The following ASPH variants were observed in gnomAD, a reference collection of about 807,000 sequenced individuals.
ASPH encodes the protein aspartyl/asparaginyl beta-hydroxylase.
A neutral mutation model predicts 118.4 loss-of-function variants in ASPH; 100 were observed. The ratio of observed to expected loss-of-function variants is 0.84; its 90% CI spans 0.72 to 1.00. The LOEUF (loss-of-function observed/expected upper bound fraction) is 1.00, where lower values mean the gene tolerates loss of function less well. Ranked by LOEUF, ASPH falls within the 50% of genes least tolerant of loss-of-function variation. The pLI is 0.00. For synonymous variants in ASPH, 315 were observed against 325.6 expected, an observed-to-expected ratio of 0.97 and a Z score of 0.35; for missense variants, 920 against 919.5, an observed-to-expected ratio of 1.00 and a Z score of -0.01.
intron 22 of ASPH, among the ~76,000 whole-genome samples, 187 bp from the exon 23 acceptor site, chr8:61,518,310 G>A (rs1393492988): frequency 6.6e-6 from 1 of 152,174 alleles, no homozygotes; most frequent in East Asian, 1.9e-4. Flanking sequence ...TAAAGAAGAC[G>A]TGTCTTGCTC....
intron 3 of ASPH, among the ~76,000 whole-genome samples, chr8:61,679,963 A>AAC (rs1563554610): frequency 4.0e-5 from 6 of 148,360 alleles, no homozygotes; most frequent in Non-Finnish European, 6.0e-5. Context: ...AAAAAACAAA[A>AAC]AACACCAACA....
chr8:61,609,368 C>T (rs13256118), intron 14 of ASPH, among the ~76,000 whole-genome samples: 127,628 of 150,334 alleles, frequency 0.85, 53,733 homozygotes, highest in African/African-American at 0.89. Context: ...TGCTGCCTCC[C>T]GCGTGGTCTC....
intron 10 of ASPH, among the ~76,000 whole-genome samples, chr8:61,639,824 G>A (rs761379345): frequency 5.9e-5 from 9 of 152,154 alleles, no homozygotes; most frequent in Admixed American, 2.0e-4. Flanking sequence ...CCCCTGCCCC[G>A]TGCTTGACTC....
Position 61,595,556 on chromosome 8 carries a change from T to C in ASPH, c.977-11527A>G, listed in dbSNP as rs1480674507. Among the ~76,000 whole-genome samples, 5 of 152,364 alleles carry C rather than the reference T, an allele frequency of 3.3e-5. No homozygotes were observed. The East Asian group carries it at 9.6e-4, about 29-fold the overall frequency. ...TTGAGAGTAAACTTGGTAAAATTTC[T>C]AAATATTTCCATATTATCTATGAAA... On this transcript the variant is annotated intron_variant, in intron 14 of 24. Coordinates refer to ENST00000379454, the MANE Select transcript of ASPH (RefSeq NM_004318.4).
At chr8:61,700,784 C>G (rs117379683) in intron 1 of ASPH, among the ~76,000 whole-genome samples, 5 of 152,318 alleles carry the variant, frequency 3.3e-5, no homozygotes, top group Non-Finnish European at 7.3e-5. Context: ...TTGTTTGTAG[C>G]ATACCTATTC....
chr8:61,695,031 T>C (rs1833603603), intron 1 of ASPH, among the ~76,000 whole-genome samples: 1 of 152,238 alleles, frequency 6.6e-6, no homozygotes, highest in Non-Finnish European at 1.5e-5. Flanking sequence ...GAGGCCAAGA[T>C]ATGGATTCTC....
Position 61,656,569 on chromosome 8 carries a change from C to T in ASPH, c.323-2909G>A, listed in dbSNP as rs150928768. ...AAGAGGAACAGGGTGTCCACAGCCG[C>T]CTTCCAGTCATTATGTATGGTGAAT... On this transcript the variant is annotated intron_variant, in intron 3 of 24. Coordinates refer to ENST00000379454, the MANE Select transcript of ASPH (RefSeq NM_004318.4). 16 of 152,286 alleles carry T rather than the reference C, an allele frequency of 1.1e-4. No homozygotes were observed. The East Asian group carries it at 3.1e-3, about 29-fold the overall frequency. 9.4% of individuals were successfully genotyped at this position (152,286 alleles called of 1,614,324 possible). A position where few individuals can be genotyped will look rare whatever the true frequency, so the allele number is the denominator to read the frequency against.
intron 24 of ASPH, among the ~76,000 whole-genome samples, chr8:61,509,407 G>T (rs534803727): frequency 6.6e-6 from 1 of 152,168 alleles, no homozygotes; most frequent in Admixed American, 6.5e-5. Context: ...ATCACATAGG[G>T]TAATCTCCTG....
chr8:61,523,303 A>AC (rs1292905419), intron 22 of ASPH, among the ~76,000 whole-genome samples: 1 of 95,892 alleles, frequency 1.0e-5, no homozygotes, highest in Non-Finnish European at 2.6e-5. Context: ...CACACTTATT[A>AC]TTTTCTTTCT....
At chr8:61,577,944 A>G (rs763503602) in intron 15 of ASPH, among the ~76,000 whole-genome samples, 17 of 152,144 alleles carry the variant, frequency 1.1e-4, no homozygotes, top group Admixed American at 6.5e-4. Flanking sequence ...TCAAAACACA[A>G]TCATGCCTTT....
intron 1 of ASPH, among the ~76,000 whole-genome samples, chr8:61,710,601 AT>A: frequency 6.6e-6 from 1 of 152,316 alleles, no homozygotes. Flanking sequence ...GTTTCATATG[AT>A]TTGGTCAGGA....
At chr8:61,532,759 G>T (rs558975310) in intron 21 of ASPH, among the ~76,000 whole-genome samples, 1 of 152,280 alleles carries the variant, frequency 6.6e-6, no homozygotes, top group South Asian at 2.1e-4. Flanking sequence ...GTGTTTAGGG[G>T]TATAAAATTT....
chr8:61,632,633 A>G, intron 13 of ASPH: 2 of 492,344 alleles, frequency 4.1e-6, no homozygotes, highest in Non-Finnish European at 8.0e-6. Context: ...ATATTATAAT[A>G]CCAACAATTC....
chr8:61,524,483 A>G (rs10504329), intron 22 of ASPH, among the ~76,000 whole-genome samples: 13,572 of 152,246 alleles, frequency 0.089, 678 homozygotes, highest in Non-Finnish European at 0.12. Context: ...ACAACAGGGT[A>G]GACACAATTC....
At chr8:61,688,940 C>T (rs1831659224) in intron 1 of ASPH, among the ~76,000 whole-genome samples, 1 of 152,206 alleles carries the variant, frequency 6.6e-6, no homozygotes. Flanking sequence ...CTTATATTCT[C>T]TATCCTAATC....
chr8:61,642,992 C>T (rs951538650), intron 9 of ASPH, 72 bp from the exon 10 acceptor site: 7 of 1,299,236 alleles, frequency 5.4e-6, no homozygotes. Context: ...TCAGTTAAAA[C>T]AAAATACTAC....
In ASPH at chr8:61,653,122, C is replaced by T. The variant is rs576217711; in HGVS notation, c.415+446G>A. 6.6e-5 allele frequency among the ~76,000 whole-genome samples: 10 copies of T among 152,204 alleles called. 1 individual carries two copies. Among genetic ancestry groups the T allele is most frequent in the South Asian group, 4.1e-4 (2 of 4,826 alleles). On this transcript the variant is annotated intron_variant, in intron 4 of 24. Coordinates refer to ENST00000379454, the MANE Select transcript of ASPH (RefSeq NM_004318.4). ...GGACACAAAACAGGCTCCATAGATG[C>T]CCACAGGGAGGTTTGGGAAGTCTTT...
chr8:61,704,718 A>G (rs1836158437), intron 1 of ASPH, among the ~76,000 whole-genome samples: 1 of 152,170 alleles, frequency 6.6e-6, no homozygotes, highest in Non-Finnish European at 1.5e-5. Flanking sequence ...AGCACAAGAA[A>G]AAGTGCTTGA....
intron 1 of ASPH, among the ~76,000 whole-genome samples, chr8:61,687,037 G>A (rs973792307): frequency 6.6e-6 from 1 of 151,940 alleles, no homozygotes; most frequent in African/African-American, 2.4e-5. Flanking sequence ...ACTGCAGTGA[G>A]CTATGATTGC....
Sources: gnomAD v4.1 joint callset for allele counts (sites outside exome capture counted in the v4.1 genomes callset) on GRCh38, gnomAD v4.1.1 for gene constraint, MANE v1.5 for transcripts, NCBI Gene and HGNC (gene_info 2026-07-23, HGNC 2026-07-21) for gene names.